The following G2E3 variants were observed in gnomAD, a reference collection of about 807,000 sequenced individuals.
The protein encoded by G2E3 is G2/M phase-specific E3 ubiquitin-protein ligase.
Under a neutral mutation model 92.8 loss-of-function variants are expected in G2E3, and 35 were observed. The observed-to-expected ratio is 0.38, with a 90% CI of 0.29 to 0.50. G2E3 has a LOEUF of 0.50. Among genes scored for constraint, G2E3 ranks in the 20% least tolerant of loss-of-function variants. G2E3 has a pLI of 0.94. For synonymous variants in G2E3, 242 were observed against 272.4 expected, an observed-to-expected ratio of 0.89 and a Z score of 1.10; for missense variants, 554 against 823.8, an observed-to-expected ratio of 0.67 and a Z score of 4.01.
chr14:30,581,406 TA>T (rs1157714133), intron 2 of G2E3, among the ~76,000 whole-genome samples: 2 of 152,146 alleles, frequency 1.3e-5, no homozygotes, highest in African/African-American at 4.8e-5. Context: ...TGTAAAAGTT[TA>T]ACAGGAAAAG....
At chr14:30,582,375 T>C (rs752408347) in intron 2 of G2E3, among the ~76,000 whole-genome samples, 1 of 152,010 alleles carries the variant, frequency 6.6e-6, no homozygotes, top group African/African-American at 2.4e-5. Flanking sequence ...AATCTACTTA[T>C]AAAAATGCAT....
intron 1 of G2E3, chr14:30,574,712 A>C (rs1486662224): frequency 1.3e-5 from 2 of 152,208 alleles, no homozygotes; most frequent in African/African-American, 2.4e-5. Context: ...TGCTAAGGAT[A>C]ATAGCCTCCG....
At chr14:30,593,186 A>G (rs534291095) in intron 5 of G2E3, among the ~76,000 whole-genome samples, 1 of 152,276 alleles carries the variant, frequency 6.6e-6, no homozygotes, top group South Asian at 2.1e-4. Context: ...ACAATAATGT[A>G]TATACTGTAT....
At chr14:30,597,323 A>C in intron 6 of G2E3, 97 bp from the exon 7 acceptor site, 3 of 734,182 alleles carry the variant, frequency 4.1e-6, no homozygotes, top group Admixed American at 2.3e-5. Context: ...ATGTTTTCAT[A>C]ATATATTGTT....
intron 1 of G2E3, among the ~76,000 whole-genome samples, chr14:30,569,969 A>C (rs576358860): frequency 1.8e-4 from 28 of 152,212 alleles, no homozygotes; most frequent in African/African-American, 5.5e-4. Flanking sequence ...TTATAATATC[A>C]CCACCTCTGT....
chr14:30,560,962 A>T (rs1234556337), intron 1 of G2E3: 1 of 604,046 alleles, frequency 1.7e-6, no homozygotes, highest in Non-Finnish European at 2.9e-6. Context: ...GCCCATCTCC[A>T]CCACTTGATA....
At chr14:30,604,957 C>T (rs1397579603) in intron 10 of G2E3, among the ~76,000 whole-genome samples, 2 of 152,082 alleles carry the variant, frequency 1.3e-5, no homozygotes, top group Admixed American at 6.6e-5. Flanking sequence ...AGTGCAATGG[C>T]GTGATCTTGG....
rs750960540 is a variant in G2E3 at position 30,616,298 on chromosome 14, A to T, written c.1885A>T (p.Met629Leu). The T allele has an allele frequency of 6.2e-7, 1 of 1,608,096 alleles. No homozygotes were observed. The highest frequency in any genetic ancestry group is 8.5e-7 in the Non-Finnish European group (1 of 1,175,072). ...AVEDGKSTTTMEDILIFATGC... is the reference protein window; with the variant it reads ...AVEDGKSTTTLEDILIFATGC... ...TTCAGATGGTAAATCTACAACAACA[A>T]TGGAAGACATTCTTATTTTTGCAAC... Residue 629 changes from methionine to leucine, a missense_variant, in exon 15 of 15, where the codon ATG becomes TTG. Physicochemically the swap from Met to Leu is conservative, Grantham distance 15. Coordinates refer to ENST00000206595, the MANE Select transcript of G2E3 (RefSeq NM_017769.5).
intron 6 of G2E3, among the ~76,000 whole-genome samples, chr14:30,596,393 C>G (rs1269773565): frequency 6.6e-6 from 1 of 152,156 alleles, no homozygotes; most frequent in African/African-American, 2.4e-5. Context: ...ATACTACTGT[C>G]TTTAACTTAC....
At chr14:30,561,616 A>G (rs1255532826) in intron 1 of G2E3, among the ~76,000 whole-genome samples, 1 of 152,006 alleles carries the variant, frequency 6.6e-6, no homozygotes, top group African/African-American at 2.4e-5. Context: ...TGGCCTTTTT[A>G]TTTCCCCTTA....
chr14:30,564,879 G>T (rs1362090891), intron 1 of G2E3, among the ~76,000 whole-genome samples: 2 of 152,056 alleles, frequency 1.3e-5, no homozygotes, highest in Non-Finnish European at 2.9e-5. Context: ...GTATAATTAG[G>T]TTGTTTCTTT....
In G2E3 at chr14:30,560,864, T is replaced by C. The variant is rs1339185902; in HGVS notation, c.-5+1592T>C. 3 of 698,312 alleles carry C rather than the reference T, an allele frequency of 4.3e-6. No homozygotes were observed. In the African/African-American group the frequency reaches 5.3e-5, roughly 12 times the overall value. 43.3% of individuals were successfully genotyped at this position (698,312 alleles called of 1,614,324 possible). A position where few individuals can be genotyped will look rare whatever the true frequency, so the allele number is the denominator to read the frequency against. ...AAAGGTTAGAAAATACTGTGAGTTT[T>C]CAAAACACTGATTTGATCTTTCCTA... On this transcript the variant is annotated intron_variant, in intron 1 of 14. Transcript: ENST00000206595.
At chr14:30,585,940 G>C (rs572409404) in intron 2 of G2E3, among the ~76,000 whole-genome samples, 5 of 152,184 alleles carry the variant, frequency 3.3e-5, no homozygotes, top group Non-Finnish European at 7.3e-5. Flanking sequence ...TTATTATGCA[G>C]AAGGTTTTCC....
intron 1 of G2E3, among the ~76,000 whole-genome samples, chr14:30,568,993 C>G (rs1381044961): frequency 6.6e-6 from 1 of 152,142 alleles, no homozygotes; most frequent in Non-Finnish European, 1.5e-5. Flanking sequence ...GACCCCAGGT[C>G]TACCAGACCT....
chr14:30,592,205 C>A, intron 4 of G2E3, 118 bp from the exon 5 acceptor site: 1 of 865,802 alleles, frequency 1.2e-6, no homozygotes, highest in Non-Finnish European at 1.8e-6. Flanking sequence ...CTTACCACAG[C>A]TGTTACATGA....
At chr14:30,611,809 C>G (rs1251338915) in intron 12 of G2E3, 1 of 160,766 alleles carries the variant, frequency 6.2e-6, no homozygotes, top group African/African-American at 2.5e-5. Flanking sequence ...TGTATACCAC[C>G]CACACCAGGC....
rs558758968 is a variant in G2E3 at position 30,612,851 on chromosome 14, C to T, written c.1673+472C>T. On this transcript the variant is annotated intron_variant, in intron 13 of 14. Coordinates refer to ENST00000206595, the MANE Select transcript of G2E3 (RefSeq NM_017769.5). ...CAGCCTGGGTGACAGAGCAAGATTC[C>T]CTCTCAAAAAAATGAAAAAAGAATT... is the stretch of plus-strand genomic sequence containing the variant. 7.9e-5 allele frequency among the ~76,000 whole-genome samples: 12 copies of T among 151,986 alleles called. No individual in the cohort carries two copies. The East Asian group carries it at 1.2e-3, about 15-fold the overall frequency.
chr14:30,562,188 C>T (rs1879140028), intron 1 of G2E3, among the ~76,000 whole-genome samples: 1 of 151,938 alleles, frequency 6.6e-6, no homozygotes, highest in Non-Finnish European at 1.5e-5. Flanking sequence ...GCAAGCCACC[C>T]AGGTGCCGAG....
At position 30,608,320 on chromosome 14, in the gene G2E3, C is replaced by T. The variant is rs986986130; in HGVS notation, c.1500+251C>T. ...TAATGTGATTTTGGTCTGTGTTCAC[C>T]ATGGCTTGTGAATACTCCTCAGAAA... On this transcript the variant is annotated intron_variant, in intron 12 of 14. Coordinates refer to ENST00000206595, the MANE Select transcript of G2E3 (RefSeq NM_017769.5). Among the ~76,000 whole-genome samples the T allele has an allele frequency of 2.6e-5, 4 of 152,112 alleles. No individual in the cohort carries two copies. In the South Asian group the frequency reaches 8.3e-4, roughly 32 times the overall value.
Sources: allele counts gnomAD v4.1 joint callset (sites outside exome capture counted in the v4.1 genomes callset), GRCh38; gene constraint gnomAD v4.1.1; transcripts MANE v1.5; gene names NCBI Gene and HGNC (gene_info 2026-07-23, HGNC 2026-07-21).